The following C2orf42 variants were observed in gnomAD, a reference collection of about 807,000 sequenced individuals.
C2orf42 encodes uncharacterized protein C2orf42.
Under a neutral mutation model 58.9 loss-of-function variants are expected in C2orf42, and 44 were observed. The ratio of observed to expected loss-of-function variants is 0.75; its 90% CI spans 0.59 to 0.96. C2orf42 has a LOEUF of 0.96. Among genes scored for constraint, C2orf42 ranks in the 40% least tolerant of loss-of-function variants. The probability of loss-of-function intolerance (pLI) is 0.00; values close to 1 mark genes in which losing one functional copy is unlikely to be tolerated. For synonymous variants in C2orf42, 239 were observed against 265.4 expected (o/e 0.90, Z 0.97); for missense variants, 630 against 699.2 (o/e 0.90, Z 1.12).
rs778685040 is a variant in C2orf42 at position 70,150,348 on chromosome 2, G to A, written c.*8C>T. ...TTAAGCAGCAAAAGATTATTATCTT[G>A]TTTTGCTTTAAGGGAAAGTAATAGT... On this transcript the variant is annotated 3_prime_UTR_variant, in exon 10 of 10. Coordinates refer to ENST00000264434, the MANE Select transcript of C2orf42 (RefSeq NM_017880.3). The A allele has an allele frequency of 1.2e-6, 2 of 1,609,740 alleles. No homozygotes were observed. The highest frequency in any genetic ancestry group is 3.3e-5 in the Admixed American group (2 of 60,000).
chr2:70,169,752 TTTTTTA>T (rs1673668576), intron 5 of C2orf42, 91 bp from the exon 6 acceptor site: 1 of 681,868 alleles, frequency 1.5e-6, no homozygotes, highest in Non-Finnish European at 2.6e-6. Flanking sequence ...GTTAACAAGT[TTTTTTA>T]TTTTTATTTT....
chr2:70,167,915 G>A (rs1469931563), intron 6 of C2orf42, among the ~76,000 whole-genome samples: 1 of 151,852 alleles, frequency 6.6e-6, no homozygotes, highest in African/African-American at 2.4e-5. Flanking sequence ...GACTACAAGT[G>A]TTTAGCTTAT....
chr2:70,178,847 C>T (rs1002203991), intron 4 of C2orf42, among the ~76,000 whole-genome samples: 2 of 151,742 alleles, frequency 1.3e-5, no homozygotes, highest in South Asian at 4.2e-4. Context: ...ATTGCTTGAA[C>T]CCGGGAGGCA....
chr2:70,153,113 G>A (rs963078874), intron 9 of C2orf42, among the ~76,000 whole-genome samples: 3 of 152,020 alleles, frequency 2.0e-5, no homozygotes, highest in African/African-American at 7.2e-5. Flanking sequence ...ATTTGGGTGT[G>A]AGAAGGAGGA....
intron 9 of C2orf42, among the ~76,000 whole-genome samples, chr2:70,151,759 A>T (rs1672328914): frequency 6.6e-6 from 1 of 151,426 alleles, no homozygotes; most frequent in South Asian, 2.1e-4. Flanking sequence ...CTTTGACTTC[A>T]TAAGCTAATA....
chr2:70,189,150 G>A (rs1050871949), intron 1 of C2orf42, among the ~76,000 whole-genome samples: 3 of 152,038 alleles, frequency 2.0e-5, no homozygotes, highest in Non-Finnish European at 4.4e-5. Flanking sequence ...GCTCACACCT[G>A]TAATCCCAGC....
intron 9 of C2orf42, among the ~76,000 whole-genome samples, chr2:70,155,564 C>G (rs1388910283): frequency 6.8e-6 from 1 of 147,814 alleles, no homozygotes; most frequent in Non-Finnish European, 1.5e-5. Context: ...TTTGGGAGGC[C>G]AAAGCGGGTG....
intron 9 of C2orf42, among the ~76,000 whole-genome samples, chr2:70,158,477 T>C (rs949368509): frequency 6.6e-6 from 1 of 152,130 alleles, no homozygotes; most frequent in Non-Finnish European, 1.5e-5. Flanking sequence ...TGAGACAGAG[T>C]CTGGCCCTCT....
chr2:70,168,199 A>G (rs1572996954), intron 6 of C2orf42, among the ~76,000 whole-genome samples: 1 of 151,086 alleles, frequency 6.6e-6, no homozygotes, highest in African/African-American at 2.4e-5. Context: ...ACGCCACTGC[A>G]CTCCAGCCTG....
Position 70,169,631 on chromosome 2 carries a change from A to C in C2orf42, c.1070T>G (p.Val357Gly). The C allele has an allele frequency of 6.2e-7, 1 of 1,609,162 alleles. No individual in the cohort carries two copies. Among genetic ancestry groups the C allele is most frequent in the Non-Finnish European group, 8.5e-7 (1 of 1,175,612 alleles). The change falls in exon 6 of 10, where the codon GTG becomes GGG. Residue 357 changes from valine to glycine, a missense_variant. Coordinates refer to ENST00000264434, the MANE Select transcript of C2orf42 (RefSeq NM_017880.3). ...ACGQLLDEAQ[V>G]TLSFQDWLAS... ...CAGCCAGTCTTGGAAGGATAAAGTC[A>C]CTTGTGCCTCATCTAACAGCTGACC...
chr2:70,164,096 G>A (rs964939706), intron 8 of C2orf42, among the ~76,000 whole-genome samples: 11 of 151,130 alleles, frequency 7.3e-5, no homozygotes, highest in African/African-American at 1.5e-4. Flanking sequence ...CAGATTGCTC[G>A]AGTCCAGGAA....
intron 7 of C2orf42, 111 bp downstream of exon 7, chr2:70,165,417 G>A (rs1673331802): frequency 1.4e-6 from 1 of 689,710 alleles, no homozygotes; most frequent in South Asian, 1.8e-5. Context: ...AGACATGTGA[G>A]TAGAAGTCCT....
chr2:70,157,927 T>G (rs1160536081), intron 9 of C2orf42, among the ~76,000 whole-genome samples: 1 of 149,474 alleles, frequency 6.7e-6, no homozygotes, highest in Non-Finnish European at 1.5e-5. Flanking sequence ...AAGGCCGGGC[T>G]TGGTGGCTCA....
intron 9 of C2orf42, among the ~76,000 whole-genome samples, chr2:70,159,969 C>CA (rs1672950898): frequency 2.6e-5 from 4 of 151,588 alleles, no homozygotes; most frequent in Admixed American, 1.3e-4. Context: ...ACAAGAGCAG[C>CA]AAAAAAATAA....
chr2:70,156,287 A>G (rs1163135985), intron 9 of C2orf42, among the ~76,000 whole-genome samples: 1 of 152,220 alleles, frequency 6.6e-6, no homozygotes, highest in Non-Finnish European at 1.5e-5. Context: ...TAGACCATTA[A>G]AATTAGAAAA....
At chr2:70,151,862 A>C (rs1360503878) in intron 9 of C2orf42, among the ~76,000 whole-genome samples, 2 of 151,876 alleles carry the variant, frequency 1.3e-5, no homozygotes, top group Non-Finnish European at 2.9e-5. Context: ...GGTTCACTGC[A>C]ACCTCCACCT....
chr2:70,185,545 T>C (rs1187467485), intron 1 of C2orf42, among the ~76,000 whole-genome samples: 5 of 151,594 alleles, frequency 3.3e-5, no homozygotes, highest in African/African-American at 1.2e-4. Flanking sequence ...AACCTGTGTC[T>C]ACTAAAAATA....
At position 70,165,599 on chromosome 2, in the gene C2orf42, G is replaced by C. The variant is rs981750209; in HGVS notation, c.1181C>G (p.Ser394Ter). The change falls in exon 7 of 10, where the codon TCA becomes TGA. Residue 394 changes from serine to a stop codon, truncating the protein, a stop_gained. Coordinates refer to ENST00000264434, the MANE Select transcript of C2orf42 (RefSeq NM_017880.3). LOFTEE classifies it high-confidence loss of function. Reference protein sequence around the residue: ...PEPLVFHIPQSFFDALQQRIS... With the variant: ...PEPLVFHIPQ ...TCTTTGTTGCAGGGCATCAAAAAAT[G>C]ACTGAGGAATGTGGAACACCAATGG... 9.4e-6 allele frequency: 15 copies of C among 1,602,186 alleles called. No individual in the cohort carries two copies. Among genetic ancestry groups the C allele is most frequent in the Non-Finnish European group, 1.2e-5 (14 of 1,171,492 alleles).
Position 70,160,605 on chromosome 2 carries a change from C to G in C2orf42, c.1516+20G>C. 1 of 1,580,808 alleles carries G rather than the reference C, an allele frequency of 6.3e-7. No individual in the cohort carries two copies. Among genetic ancestry groups the G allele is most frequent in the South Asian group, 1.1e-5 (1 of 87,838 alleles). On this transcript the variant is annotated intron_variant, in intron 9 of 9. Transcript: ENST00000264434. ...ACCAGCTGACACTCAAAGGAAGATGCAGTTTTGAAGTTCACTTACCAACTT... is the reference window on the plus strand; with the variant it reads ...ACCAGCTGACACTCAAAGGAAGATGGAGTTTTGAAGTTCACTTACCAACTT...
Sources: gnomAD v4.1 joint callset for allele counts (sites outside exome capture counted in the v4.1 genomes callset) on GRCh38, gnomAD v4.1.1 for gene constraint, MANE v1.5 for transcripts, NCBI Gene and HGNC (gene_info 2026-07-23, HGNC 2026-07-21) for gene names.